The following UTP20 variants were observed in gnomAD, a reference collection of about 807,000 sequenced individuals.
The protein encoded by UTP20 is UTP20 small subunit processome component, also known as small subunit processome component 20 homolog.
UTP20 carries 164 observed loss-of-function variants against 329.5 expected under a neutral mutation model. The observed-to-expected ratio is 0.50, with a 90% CI of 0.44 to 0.57. The LOEUF (loss-of-function observed/expected upper bound fraction) is 0.57. Ranked by LOEUF, UTP20 falls within the 20% of genes least tolerant of loss-of-function variation. The probability of loss-of-function intolerance (pLI) is 0.00; values close to 1 mark genes in which losing one functional copy is unlikely to be tolerated. For missense variants in UTP20, 3,055 were observed against 3,284.2 expected (o/e 0.93, Z 1.71); for synonymous variants, 1,151 against 1,159.3 (o/e 0.99, Z 0.14).
Position 101,371,230 on chromosome 12 carries a change from G to A in UTP20, c.6798+62G>A, listed in dbSNP as rs1029523499. On this transcript the variant is annotated intron_variant, in intron 51 of 61. Coordinates refer to ENST00000261637, the MANE Select transcript of UTP20 (RefSeq NM_014503.3). The stretch of plus-strand genomic sequence containing the variant: ...GGCCCTGCCGCATCTTTGTGGCAGA[G>A]GTGTCAACACTGGCTGAATTCTGAA... 9.6e-6 allele frequency: 12 copies of A among 1,248,846 alleles called. No individual in the cohort carries two copies. In the Admixed American group the frequency reaches 2.5e-4, roughly 26 times the overall value. 77.4% of individuals were successfully genotyped at this position (1,248,846 alleles called of 1,614,324 possible).
intron 22 of UTP20, 61 bp downstream of exon 22, chr12:101,317,724 C>T (rs1873021688): frequency 6.8e-7 from 1 of 1,473,254 alleles, no homozygotes; most frequent in Admixed American, 2.4e-5. Flanking sequence ...AGGAAGAGGT[C>T]TCTTACGGCT....
rs755795920 is a variant in UTP20, at chr12:101,338,232, C to G, written c.3823C>G (p.Leu1275Val). ...FEPTETVLNL[L>V]VTGCVYPGIA... is the part of the protein sequence containing the mutation. ...GCCTACAGAAACAGTTTTGAACTTG[C>G]TGGTAACTGGATGTGTATACCCTGG... Residue 1275 changes from leucine to valine, a missense_variant, in exon 30 of 62, where the codon CTG (leucine) becomes GTG (valine). Leu to Val is a conservative substitution (Grantham distance 32). Coordinates refer to ENST00000261637, the MANE Select transcript of UTP20 (RefSeq NM_014503.3). 69 of 1,614,022 alleles carry G rather than the reference C, an allele frequency of 4.3e-5. No individual in the cohort carries two copies. Among genetic ancestry groups the G allele is most frequent in the Non-Finnish European group, 5.8e-5 (68 of 1,180,020 alleles).
intron 4 of UTP20, 143 bp downstream of exon 4, chr12:101,286,024 G>A (rs1871950150): frequency 1.7e-6 from 2 of 1,204,000 alleles, no homozygotes; most frequent in Non-Finnish European, 2.3e-6. Flanking sequence ...AGGAATAAGT[G>A]CATTACCATA....
rs549641642 is a variant in UTP20, at chr12:101,310,577, CA to C, written c.2231+759del. Reference sequence around the variant, plus strand: ...GCAACAAGAGTGAAACTCTGTCTCCCAAAAAAAAAAAAAAAAAAAAATACAT... The same window carrying C: ...GCAACAAGAGTGAAACTCTGTCTCCCAAAAAAAAAAAAAAAAAAAATACAT... On this transcript the variant is annotated intron_variant, in intron 19 of 61. Coordinates refer to ENST00000261637, the MANE Select transcript of UTP20 (RefSeq NM_014503.3). Among the ~76,000 whole-genome samples, 127 of 44,370 alleles carry C rather than the reference CA, an allele frequency of 2.9e-3. 6 individuals are homozygous for C. Among genetic ancestry groups the C allele is most frequent in the South Asian group, 0.026 (29 of 1,098 alleles). 29.1% of individuals were successfully genotyped at this position (44,370 alleles called of 152,430 possible). A position where few individuals can be genotyped will look rare whatever the true frequency, so the allele number is the denominator to read the frequency against.
At chr12:101,340,014 A>T (rs1227606779) in intron 31 of UTP20, among the ~76,000 whole-genome samples, 1 of 152,188 alleles carries the variant, frequency 6.6e-6, no homozygotes, top group African/African-American at 2.4e-5. Flanking sequence ...GAGATTAGGA[A>T]CCAGAAAGAC....
chr12:101,307,106 A>C (rs1203693646), intron 17 of UTP20, among the ~76,000 whole-genome samples: 2 of 147,180 alleles, frequency 1.4e-5, no homozygotes, highest in Non-Finnish European at 3.0e-5. Flanking sequence ...TGAACCCGGG[A>C]GGCGGAGCTT....
chr12:101,375,271 TG>T (rs958980380), intron 55 of UTP20, among the ~76,000 whole-genome samples: 1 of 148,480 alleles, frequency 6.7e-6, no homozygotes, highest in African/African-American at 2.5e-5. Flanking sequence ...AAAAAAAAAA[TG>T]GGGGGTTGGG....
At chr12:101,281,236 G>A (rs768098810) in intron 2 of UTP20, 40 bp downstream of exon 2, 14 of 1,541,930 alleles carry the variant, frequency 9.1e-6, no homozygotes, top group Non-Finnish European at 1.2e-5. Context: ...AAGTGTTCAT[G>A]GTGTTTTAGT....
intron 12 of UTP20, among the ~76,000 whole-genome samples, chr12:101,297,149 G>A (rs114150610): frequency 2.0e-5 from 3 of 152,262 alleles, no homozygotes; most frequent in Non-Finnish European, 4.4e-5. Flanking sequence ...ACAGAGCAGA[G>A]CTAGCTTTTG....
Position 101,281,171 on chromosome 12 carries a change from T to C in UTP20, c.101T>C (p.Ile34Thr), listed in dbSNP as rs1446753350. 6.2e-7 allele frequency: 1 copy of C among 1,613,528 alleles called. No individual in the cohort carries two copies. Among genetic ancestry groups the C allele is most frequent in the Admixed American group, 1.7e-5 (1 of 60,026 alleles). ...GTTAATATTGATATTATTCACCGGA[T>C]TGATAGAACTGCAAGCTATGAGGAG... ...GNVNIDIIHR[I>T]DRTASYEEEV... Residue 34 changes from isoleucine (I) to threonine (T), a missense_variant, in exon 2 of 62, where the codon ATT (isoleucine) becomes ACT (threonine). Ile to Thr is a moderately conservative substitution (Grantham distance 89, BLOSUM62 -1). Around this residue, in one of 3 missense-constraint regions of UTP20, gnomAD observed 2,445 missense variants for 2,575.5 expected, o/e 0.95. Coordinates refer to ENST00000261637, the MANE Select transcript of UTP20 (RefSeq NM_014503.3).
chr12:101,303,654 A>G (rs1872583537), intron 15 of UTP20, among the ~76,000 whole-genome samples: 1 of 152,126 alleles, frequency 6.6e-6, no homozygotes, highest in South Asian at 2.1e-4. Flanking sequence ...AGAGAGGTGG[A>G]GGCAGTAGAC....
Position 101,285,728 on chromosome 12 carries a change from AT to A in UTP20, c.194-12del, listed in dbSNP as rs570883100. ...ATAGTGGTGTGATAGAAAAGAACAT[AT>A]TTTTTTTTCCCCCACTCAGGAAAAT... is the stretch of plus-strand genomic sequence containing the variant. On this transcript the variant is annotated intron_variant, in intron 3 of 61. Coordinates refer to ENST00000261637, the MANE Select transcript of UTP20 (RefSeq NM_014503.3). 266 of 1,601,894 alleles carry A rather than the reference AT, an allele frequency of 1.7e-4. No individual in the cohort carries two copies. The highest frequency in any genetic ancestry group is 1.1e-3 in the East Asian group (50 of 44,516).
intron 25 of UTP20, 43 bp downstream of exon 25, chr12:101,321,672 C>G: frequency 6.3e-7 from 1 of 1,597,248 alleles, no homozygotes. Context: ...AAGTTAATAA[C>G]AAACACAATT....
In UTP20 at chr12:101,327,071, G is replaced by A. The variant is rs1565794725; in HGVS notation, c.3042-10G>A. 1 of 1,588,980 alleles carries A rather than the reference G, an allele frequency of 6.3e-7. No individual in the cohort carries two copies. ...ATGTGCAAACAAATAATGTGCTTTT[G>A]CCTTTTCAGAATTTTGTATGGGCGA... On this transcript the variant is annotated splice_polypyrimidine_tract_variant and intron_variant, in intron 25 of 61. Coordinates refer to ENST00000261637, the MANE Select transcript of UTP20 (RefSeq NM_014503.3).
chr12:101,345,802 T>G (rs1014712435), intron 37 of UTP20, 108 bp downstream of exon 37: 2 of 1,005,212 alleles, frequency 2.0e-6, no homozygotes, highest in Non-Finnish European at 2.8e-6. Flanking sequence ...AGGTTTAAGC[T>G]TCTCTTTCCT....
At chr12:101,368,055 T>C (rs1870155775) in intron 48 of UTP20, 79 bp downstream of exon 48, 1 of 1,030,866 alleles carries the variant, frequency 9.7e-7, no homozygotes, top group Non-Finnish European at 1.5e-6. Flanking sequence ...CTAATGGTTG[T>C]ATTTGGGCTC....
chr12:101,380,687 A>T (rs886968082), intron 57 of UTP20, among the ~76,000 whole-genome samples: 6 of 151,784 alleles, frequency 4.0e-5, no homozygotes, highest in Non-Finnish European at 7.4e-5. Flanking sequence ...ACATGGCGAA[A>T]CCCCATCACT....
chr12:101,342,711 C>A, intron 33 of UTP20, 76 bp from the exon 34 acceptor site: 1 of 1,535,928 alleles, frequency 6.5e-7, no homozygotes, highest in Non-Finnish European at 8.9e-7. Flanking sequence ...TGAATGGGGA[C>A]AGGTAGCTGA....
At chr12:101,372,783 A>G (rs1870336376) in intron 51 of UTP20, 101 bp from the exon 52 acceptor site, 3 of 901,024 alleles carry the variant, frequency 3.3e-6, no homozygotes, top group Non-Finnish European at 3.5e-6. Context: ...GCCATTCTGT[A>G]AAGTTTTTAT....
Sources: allele counts gnomAD v4.1 joint callset (sites outside exome capture counted in the v4.1 genomes callset), GRCh38; gene constraint gnomAD v4.1.1; regional missense constraint gnomAD v4.1.1; transcripts MANE v1.5; gene names NCBI Gene and HGNC (gene_info 2026-07-23, HGNC 2026-07-21).